Variants in SLC25A18 observed in about 807,000 individuals in gnomAD.
The protein encoded by SLC25A18 is mitochondrial glutamate carrier 2.
SLC25A18 carries 24 observed loss-of-function variants against 31.1 expected under a neutral mutation model. The observed-to-expected ratio is 0.77, with a 90% confidence interval of 0.56 to 1.08. The LOEUF (loss-of-function observed/expected upper bound fraction) is 1.08. Among genes scored for constraint, SLC25A18 ranks in the 50% least tolerant of loss-of-function variants. The pLI, the probability that SLC25A18 is intolerant of heterozygous loss-of-function variation, is 0.00. For synonymous variants in SLC25A18, 173 were observed against 161.9 expected, an observed-to-expected ratio of 1.07 and a Z score of -0.52; for missense variants, 371 against 418.5, an observed-to-expected ratio of 0.89 and a Z score of 0.99.
chr22:17,588,100 T>G, intron 9 of SLC25A18, 21 bp downstream of exon 9: 1 of 1,613,564 alleles, frequency 6.2e-7, no homozygotes, highest in Non-Finnish European at 8.5e-7. Context: ...GGGAGACGTG[T>G]CCTTTCTATG....
At chr22:17,586,728 G>A (rs546803212) in intron 7 of SLC25A18, among the ~76,000 whole-genome samples, 8 of 152,136 alleles carry the variant, frequency 5.3e-5, no homozygotes, top group East Asian at 1.9e-4. Context: ...GCAGTGAGCC[G>A]AGATCGCACC....
intron 2 of SLC25A18, among the ~76,000 whole-genome samples, chr22:17,576,190 A>T (rs368632919): frequency 2.7e-4 from 41 of 152,116 alleles, no homozygotes; most frequent in African/African-American, 9.6e-4. Flanking sequence ...CATCTCTACT[A>T]AAAATACAAA....
At chr22:17,579,063 TTTTGTTTGTTTGTTTG>T (rs695243) in intron 2 of SLC25A18, among the ~76,000 whole-genome samples, 1,575 of 150,138 alleles carry the variant, frequency 0.01, 23 homozygotes, top group African/African-American at 0.036. Flanking sequence ...TAAGTGGGTT[TTTTGTTTGTTTGTTTG>T]TTTGTTTGTT....
chr22:17,587,693 G>C (rs2057590287), intron 8 of SLC25A18, among the ~76,000 whole-genome samples: 1 of 152,210 alleles, frequency 6.6e-6, no homozygotes, highest in Admixed American at 6.5e-5. Flanking sequence ...GCAGTCAAGA[G>C]GCTGCAGGTG....
chr22:17,575,457 C>G (rs556758395), intron 2 of SLC25A18, among the ~76,000 whole-genome samples: 1 of 152,260 alleles, frequency 6.6e-6, no homozygotes, highest in Non-Finnish European at 1.5e-5. Context: ...CTCTGCGGGT[C>G]TGCTTTATTT....
In SLC25A18 at chr22:17,572,802, C is replaced by T. The variant is rs565508009; in HGVS notation, c.-201+2816C>T. Among the ~76,000 whole-genome samples the T allele has an allele frequency of 6.5e-3, 974 of 150,420 alleles. 13 individuals are homozygous for T. Among genetic ancestry groups the T allele is most frequent in the African/African-American group, 0.023 (905 of 40,088 alleles). ...GACTACAGGCGCCCGCCACCACGCC[C>T]GGCTAATTTTTTGTATTTTTAGTAG... On this transcript the variant is annotated intron_variant, in intron 2 of 10. Coordinates refer to ENST00000327451, the MANE Select transcript of SLC25A18 (RefSeq NM_031481.3).
At chr22:17,580,895 A>G in intron 3 of SLC25A18, 142 bp from the exon 4 acceptor site, 2 of 1,427,878 alleles carry the variant, frequency 1.4e-6, no homozygotes. Context: ...GACCTGGGCC[A>G]GGGAGGCTGA....
chr22:17,565,761 G>A (rs916085559), intron 1 of SLC25A18, among the ~76,000 whole-genome samples: 1 of 152,086 alleles, frequency 6.6e-6, no homozygotes, highest in Non-Finnish European at 1.5e-5. Flanking sequence ...CAGCTTCTCC[G>A]GAGGCTGAGG....
In SLC25A18 at chr22:17,590,748, C is replaced by A. The variant is rs2057691427; in HGVS notation, c.*512C>A. ...CAGCACCTAGTTTGAGACCAAGCACCCTTTCGAATCCCTGGATGGCTGAGG... is the reference window on the plus strand; with the variant it reads ...CAGCACCTAGTTTGAGACCAAGCACACTTTCGAATCCCTGGATGGCTGAGG... On this transcript the variant is annotated 3_prime_UTR_variant, in exon 11 of 11. Transcript: ENST00000327451. 1 of 153,064 alleles carries A rather than the reference C, an allele frequency of 6.5e-6. No individual in the cohort carries two copies. The highest frequency in any genetic ancestry group is 1.5e-5 in the Non-Finnish European group (1 of 68,678). 9.5% of individuals were successfully genotyped at this position (153,064 alleles called of 1,614,324 possible). A position where few individuals can be genotyped will look rare whatever the true frequency, so the allele number is the denominator to read the frequency against.
intron 8 of SLC25A18, 110 bp downstream of exon 8, chr22:17,587,411 A>G (rs1228080834): frequency 1.5e-6 from 2 of 1,355,748 alleles, no homozygotes; most frequent in Non-Finnish European, 2.0e-6. Flanking sequence ...ATCCAAACCC[A>G]GGTGAGCAAA....
rs763778105 is a variant in SLC25A18, at chr22:17,590,098, ACT to A, written c.813_814del (p.Trp272AspfsTer43). 1.6e-4 allele frequency: 257 copies of A among 1,613,824 alleles called. No individual in the cohort carries two copies. Among genetic ancestry groups the A allele is most frequent in the Non-Finnish European group, 2.0e-4 (237 of 1,180,026 alleles). ...YSGITDCARKLWIQEGPSAFM... is the reference protein window; with the variant it reads ...YSGITDCARKXWIQEGPSAFM... ...ACTGGCTCTTCTTTCTCCCCAGGAA[ACT>A]CTGGATTCAGGAGGGACCATCTGCC... is the stretch of plus-strand genomic sequence containing the variant. On this transcript the variant is annotated frameshift_variant, in exon 11 of 11. Coordinates refer to ENST00000327451, the MANE Select transcript of SLC25A18 (RefSeq NM_031481.3). LOFTEE classifies it high-confidence loss of function.
At chr22:17,567,070 G>A (rs564532854) in intron 1 of SLC25A18, among the ~76,000 whole-genome samples, 3 of 152,352 alleles carry the variant, frequency 2.0e-5, no homozygotes, top group South Asian at 2.1e-4. Context: ...GCTGAGGTGA[G>A]AGGATGGCTT....
intron 2 of SLC25A18, among the ~76,000 whole-genome samples, chr22:17,576,155 C>G (rs1415853397): frequency 1.3e-5 from 2 of 151,978 alleles, no homozygotes; most frequent in African/African-American, 4.8e-5. Flanking sequence ...AGATGGAGAC[C>G]ATCTTGGCCA....
chr22:17,586,870 C>T (rs1029383567), intron 7 of SLC25A18, among the ~76,000 whole-genome samples: 1 of 152,148 alleles, frequency 6.6e-6, no homozygotes. Flanking sequence ...AGGAACGTGG[C>T]GGAGAAGCAA....
At chr22:17,582,455 A>C (rs1210588285) in intron 5 of SLC25A18, 108 bp from the exon 6 acceptor site, 1 of 831,136 alleles carries the variant, frequency 1.2e-6, no homozygotes. Flanking sequence ...ACCTGGCCCC[A>C]AAAATGCCCT....
In SLC25A18 at chr22:17,579,752, A is replaced by G. The variant is rs1449821132; in HGVS notation, c.-193A>G. The G allele has an allele frequency of 8.6e-6, 12 of 1,390,036 alleles. No individual in the cohort carries two copies. The highest frequency in any genetic ancestry group is 8.4e-6 in the Non-Finnish European group (9 of 1,073,428). The allele number at this position is 1,390,036 out of a possible 1,614,324, so 86.1% of individuals were successfully genotyped here. On this transcript the variant is annotated 5_prime_UTR_variant, in exon 3 of 11. Transcript: ENST00000327451. ...TCTCTGACTACTTTGCAGGGGAGGA[A>G]GCCGCAGCCCAAGGAGGTCGTCACT...
intron 1 of SLC25A18, among the ~76,000 whole-genome samples, chr22:17,569,129 A>C (rs562862386): frequency 6.1e-5 from 9 of 148,574 alleles, no homozygotes; most frequent in South Asian, 2.2e-4. Context: ...CTGCCTCCGC[A>C]TCCCGAGTAG....
rs985064878 is a variant in SLC25A18, at chr22:17,566,328, C to G, written c.-264+2615C>G. Among the ~76,000 whole-genome samples, 12 of 152,164 alleles carry G rather than the reference C, an allele frequency of 7.9e-5. No individual in the cohort carries two copies. The East Asian group carries it at 2.1e-3, about 27-fold the overall frequency. ...CGTGTTTCAAATCTGATACCTGCCT[C>G]TGGCGTGTTTAATCACCCACCAAGC... On this transcript the variant is annotated intron_variant, in intron 1 of 10. Coordinates refer to ENST00000327451, the MANE Select transcript of SLC25A18 (RefSeq NM_031481.3).
At chr22:17,575,788 C>T (rs2146228651) in intron 2 of SLC25A18, among the ~76,000 whole-genome samples, 1 of 152,306 alleles carries the variant, frequency 6.6e-6, no homozygotes, top group South Asian at 2.1e-4. Context: ...TCCCGTGTAT[C>T]AAATTTCTTC....
Sources: gnomAD v4.1 joint callset for allele counts (sites outside exome capture counted in the v4.1 genomes callset) on GRCh38, gnomAD v4.1.1 for gene constraint, MANE v1.5 for transcripts, NCBI Gene and HGNC (gene_info 2026-07-23, HGNC 2026-07-21) for gene names.